SNRPG: variants seen among roughly 807,000 people sequenced by gnomAD.
SNRPG encodes the protein small nuclear ribonucleoprotein G.
A neutral mutation model predicts 13.9 loss-of-function variants in SNRPG; 3 were observed. That is an observed-to-expected ratio of 0.22 (90% CI 0.10 to 0.56). SNRPG has a LOEUF of 0.56. SNRPG is among the 20% of genes least tolerant of loss of function. SNRPG has a pLI of 0.93. For missense variants in SNRPG, 34 were observed against 96.1 expected (o/e 0.35, Z 2.70); for synonymous variants, 29 against 29.3 (o/e 0.99, Z 0.03).
At chr2:70,293,470 G>A in intron 1 of SNRPG, 148 bp downstream of exon 1, 1 of 787,462 alleles carries the variant, frequency 1.3e-6, no homozygotes, top group Non-Finnish European at 2.3e-6. Context: ...TCTCATGCGC[G>A]GGAGCCTGGC....
chr2:70,281,692 AGAGAAAAATAAATTT>A lies in SNRPG; in HGVS notation c.181-23_181-9del. On this transcript the variant is annotated splice_polypyrimidine_tract_variant and intron_variant, in intron 3 of 3. Coordinates refer to ENST00000272348, the MANE Select transcript of SNRPG (RefSeq NM_003096.4). ...ACTATTTCCTCGTATTACCTAAGAAAGAGAAAAATAAATTTGAAAAGAACAACTCAGGTAACAGAC... is the reference window on the plus strand; with the variant it reads ...ACTATTTCCTCGTATTACCTAAGAAAGAAAAGAACAACTCAGGTAACAGAC... 1.3e-6 allele frequency: 2 copies of A among 1,490,512 alleles called. No homozygotes were observed. Among genetic ancestry groups the A allele is most frequent in the Admixed American group, 1.8e-5 (1 of 56,334 alleles). 92.3% of individuals were successfully genotyped at this position (1,490,512 alleles called of 1,614,324 possible).
At chr2:70,282,407 TG>T (rs1407424725) in intron 3 of SNRPG, among the ~76,000 whole-genome samples, 7 of 152,176 alleles carry the variant, frequency 4.6e-5, no homozygotes, top group Non-Finnish European at 8.8e-5. Context: ...ACATTTTACC[TG>T]GGTCTTGGAA....
chr2:70,282,024 A>G (rs1004165166), intron 3 of SNRPG, among the ~76,000 whole-genome samples: 10 of 152,154 alleles, frequency 6.6e-5, no homozygotes, highest in East Asian at 3.9e-4. Context: ...GGTTCAAGCA[A>G]TCCTGCTTCA....
chr2:70,288,850 G>C (rs76067416), intron 2 of SNRPG, among the ~76,000 whole-genome samples: 3,393 of 115,340 alleles, frequency 0.029, 141 homozygotes, highest in African/African-American at 0.085. Context: ...AAAGTCTGAA[G>C]TGCTGTTAAA....
At chr2:70,290,405 C>T (rs1289217108) in intron 1 of SNRPG, among the ~76,000 whole-genome samples, 16 of 151,016 alleles carry the variant, frequency 1.1e-4, no homozygotes, top group Admixed American at 9.9e-4. Context: ...AAACTTCAAA[C>T]GATATGAATT....
At position 70,293,670 on chromosome 2, in the gene SNRPG, A is replaced by G. The variant is rs766441729; in HGVS notation, c.-21T>C. 1 of 1,613,628 alleles carries G rather than the reference A, an allele frequency of 6.2e-7. No individual in the cohort carries two copies. The highest frequency in any genetic ancestry group is 1.7e-5 in the Admixed American group (1 of 60,032). On this transcript the variant is annotated 5_prime_UTR_variant, in exon 1 of 4. Transcript: ENST00000272348. ...CTCATGGTGTATACTCCGCGGGCTC[A>G]CAGATGCCTTGGAACGCAACGCACG...
At chr2:70,292,969 A>G (rs965173068) in intron 1 of SNRPG, 2 of 591,596 alleles carry the variant, frequency 3.4e-6, no homozygotes, top group Admixed American at 5.9e-5. Flanking sequence ...CTGGGTGTGT[A>G]GAAAAAACTT....
rs542037491 is a variant in SNRPG at position 70,289,043 on chromosome 2, T to C, written c.55+307A>G. 3.3e-5 allele frequency among the ~76,000 whole-genome samples: 5 copies of C among 152,264 alleles called. No homozygotes were observed. In the East Asian group the frequency reaches 5.8e-4, roughly 18 times the overall value. On this transcript the variant is annotated intron_variant, in intron 2 of 3. Transcript: ENST00000272348. ...TTGGCTCACTGCAAACTCCGCCTCCTGGGTTCATGCCATTCTCCTGACTCA... is the reference window on the plus strand; with the variant it reads ...TTGGCTCACTGCAAACTCCGCCTCCCGGGTTCATGCCATTCTCCTGACTCA...
chr2:70,288,555 C>T (rs962411157), intron 2 of SNRPG, among the ~76,000 whole-genome samples: 3 of 152,048 alleles, frequency 2.0e-5, no homozygotes, highest in Admixed American at 6.6e-5. Flanking sequence ...ACCACCGTGC[C>T]CGAGCTTTTA....
chr2:70,283,114 A>AAAAC (rs1452874558), intron 3 of SNRPG, among the ~76,000 whole-genome samples: 1 of 147,888 alleles, frequency 6.8e-6, no homozygotes, highest in African/African-American at 2.5e-5. Flanking sequence ...AAAAAAAAAA[A>AAAAC]AAAAAAAAAA....
intron 3 of SNRPG, among the ~76,000 whole-genome samples, chr2:70,285,650 CT>C (rs756003758): frequency 6.6e-6 from 1 of 152,140 alleles, no homozygotes; most frequent in Non-Finnish European, 1.5e-5. Flanking sequence ...GGTACCTACT[CT>C]GAGGATAAAG....
Position 70,281,629 on chromosome 2 carries a change from A to G in SNRPG, c.*5T>C. ...ACATGGGTTTCTCTGCTGAACAGCC[A>G]TTATTTATACTCGTTCCAAGGCTTC... On this transcript the variant is annotated 3_prime_UTR_variant, in exon 4 of 4. Transcript: ENST00000272348. 3 of 1,547,468 alleles carry G rather than the reference A, an allele frequency of 1.9e-6. No individual in the cohort carries two copies. Among genetic ancestry groups the G allele is most frequent in the Non-Finnish European group, 1.8e-6 (2 of 1,126,478 alleles).
At chr2:70,287,858 A>T (rs1217537657) in intron 3 of SNRPG, 4 of 574,316 alleles carry the variant, frequency 7.0e-6, no homozygotes, top group African/African-American at 1.9e-5. Flanking sequence ...TTCAAGCGCT[A>T]GGACCTTAGG....
At chr2:70,281,954 CTG>C (rs1439924089) in intron 3 of SNRPG, among the ~76,000 whole-genome samples, 2 of 152,108 alleles carry the variant, frequency 1.3e-5, no homozygotes, top group Non-Finnish European at 2.9e-5. Flanking sequence ...CAGTCTCACT[CTG>C]TTGCCCAGGC....
chr2:70,293,174 A>C (rs767788658), intron 1 of SNRPG: 4 of 702,442 alleles, frequency 5.7e-6, no homozygotes, highest in South Asian at 4.4e-5. Flanking sequence ...CTAAGACTAA[A>C]GTGGCTTTCG....
intron 1 of SNRPG, among the ~76,000 whole-genome samples, chr2:70,292,074 A>G (rs1030241447): frequency 4.6e-5 from 7 of 150,712 alleles, no homozygotes; most frequent in Non-Finnish European, 1.0e-4. Flanking sequence ...CAGCCTCCCG[A>G]GTAGCTGGGA....
At chr2:70,288,032 T>C (rs747222249) in intron 3 of SNRPG, 36 bp downstream of exon 3, 4 of 1,605,298 alleles carry the variant, frequency 2.5e-6, no homozygotes, top group Non-Finnish European at 3.4e-6. Context: ...AAAAGAAAAA[T>C]GAAATCTCCA....
chr2:70,286,548 C>G (rs6725960), intron 3 of SNRPG, among the ~76,000 whole-genome samples: 1 of 151,676 alleles, frequency 6.6e-6, no homozygotes, highest in Non-Finnish European at 1.5e-5. Flanking sequence ...GGTTGGGGGG[C>G]GTGTGTGTCA....
At chr2:70,284,662 G>A (rs1696896079) in intron 3 of SNRPG, among the ~76,000 whole-genome samples, 2 of 152,132 alleles carry the variant, frequency 1.3e-5, no homozygotes, top group Non-Finnish European at 2.9e-5. Context: ...GGGATTACAG[G>A]TGTGAGCCAC....
Sources: allele counts gnomAD v4.1 joint callset (sites outside exome capture counted in the v4.1 genomes callset), GRCh38; gene constraint gnomAD v4.1.1; transcripts MANE v1.5; gene names NCBI Gene and HGNC (gene_info 2026-07-23, HGNC 2026-07-21).